STAU2: variants seen among roughly 807,000 people sequenced by gnomAD.
STAU2 encodes the protein double-stranded RNA-binding protein Staufen homolog 2.
Under a neutral mutation model 65.9 loss-of-function variants are expected in STAU2, and 20 were observed. That is an observed-to-expected ratio of 0.30 (90% CI 0.21 to 0.44). STAU2 has a LOEUF of 0.44. Among genes scored for constraint, STAU2 ranks in the 20% least tolerant of loss-of-function variants. The pLI is 1.00. For missense variants in STAU2, 558 were observed against 683.9 expected (o/e 0.82, Z 2.05); for synonymous variants, 232 against 233.9 (o/e 0.99, Z 0.07).
chr8:73,604,600 C>T (rs934547481), intron 9 of STAU2, among the ~76,000 whole-genome samples: 3 of 151,832 alleles, frequency 2.0e-5, no homozygotes, highest in Admixed American at 6.6e-5. Flanking sequence ...CTAAAAAGTA[C>T]TAAGAAAAAG....
At chr8:73,649,379 C>T (rs528299832) in intron 6 of STAU2, among the ~76,000 whole-genome samples, 1 of 152,256 alleles carries the variant, frequency 6.6e-6, no homozygotes, top group African/African-American at 2.4e-5. Flanking sequence ...CACTGCTCCC[C>T]ATTACCCCTT....
At chr8:73,524,879 T>C (rs1439248602) in intron 13 of STAU2, among the ~76,000 whole-genome samples, 1 of 152,208 alleles carries the variant, frequency 6.6e-6, no homozygotes, top group Non-Finnish European at 1.5e-5. Flanking sequence ...CCTTATGAGA[T>C]CAAGTTGATG....
chr8:73,522,784 A>G (rs964299854), intron 13 of STAU2, among the ~76,000 whole-genome samples: 1 of 152,190 alleles, frequency 6.6e-6, no homozygotes, highest in Non-Finnish European at 1.5e-5. Flanking sequence ...AGCCTGAATG[A>G]CTGCCCACTG....
intron 3 of STAU2, among the ~76,000 whole-genome samples, chr8:73,710,376 C>CTTTTTTTT (rs11389924): frequency 7.5e-5 from 10 of 133,664 alleles, no homozygotes; most frequent in Admixed American, 7.5e-5. Context: ...GGCTTCTATC[C>CTTTTTTTT]TTTTTTTTTT....
chr8:73,540,910 A>G, intron 13 of STAU2, among the ~76,000 whole-genome samples: 1 of 152,134 alleles, frequency 6.6e-6, no homozygotes, highest in Admixed American at 6.5e-5. Flanking sequence ...GAAAGAGTTT[A>G]GGGTTGGCAA....
intron 13 of STAU2, among the ~76,000 whole-genome samples, chr8:73,470,945 A>G (rs916817668): frequency 6.6e-6 from 1 of 152,150 alleles, no homozygotes; most frequent in African/African-American, 2.4e-5. Flanking sequence ...AGATTGAGTT[A>G]CTTTTTCAGG....
intron 13 of STAU2, among the ~76,000 whole-genome samples, chr8:73,529,001 G>C (rs898891833): frequency 1.8e-4 from 27 of 152,068 alleles, no homozygotes; most frequent in Non-Finnish European, 7.4e-5. Context: ...ATTTTCCCTG[G>C]AGGTAGGGAA....
intron 13 of STAU2, among the ~76,000 whole-genome samples, chr8:73,509,835 T>G (rs1822287557): frequency 2.6e-5 from 4 of 152,112 alleles, no homozygotes; most frequent in Admixed American, 2.6e-4. Context: ...AAAAAAAAAT[T>G]AAGAATAATA....
At chr8:73,743,395 C>A (rs765173100) in intron 1 of STAU2, among the ~76,000 whole-genome samples, 1 of 151,742 alleles carries the variant, frequency 6.6e-6, no homozygotes, top group Non-Finnish European at 1.5e-5. Flanking sequence ...AGGTTTAGAA[C>A]GGTTCATTCT....
intron 13 of STAU2, among the ~76,000 whole-genome samples, chr8:73,521,630 G>A (rs1439323356): frequency 2.0e-5 from 3 of 152,118 alleles, no homozygotes; most frequent in African/African-American, 7.2e-5. Context: ...TTCCAATTTT[G>A]AACTTCCTGG....
intron 12 of STAU2, among the ~76,000 whole-genome samples, chr8:73,560,282 G>C (rs928391737): frequency 6.6e-6 from 1 of 151,772 alleles, no homozygotes; most frequent in African/African-American, 2.4e-5. Context: ...GGGTTTCACC[G>C]TGTCAGCCAG....
chr8:73,441,350 G>A (rs907103002), intron 13 of STAU2: 1 of 152,092 alleles, frequency 6.6e-6, no homozygotes, highest in Non-Finnish European at 1.5e-5. Context: ...GACCAGCCTG[G>A]TCAACGTGGT....
At chr8:73,572,128 G>T (rs372349399) in intron 12 of STAU2, among the ~76,000 whole-genome samples, 1 of 152,136 alleles carries the variant, frequency 6.6e-6, no homozygotes, top group Non-Finnish European at 1.5e-5. Flanking sequence ...ACACCTCTAC[G>T]CAAATAAACT....
intron 13 of STAU2, among the ~76,000 whole-genome samples, chr8:73,516,086 A>T (rs1822710572): frequency 6.6e-6 from 1 of 151,708 alleles, no homozygotes; most frequent in Non-Finnish European, 1.5e-5. Context: ...GGCACACACC[A>T]CCATGCCCAA....
At chr8:73,603,961 C>CA in intron 9 of STAU2, 98 bp from the exon 10 acceptor site, 2 of 1,269,146 alleles carry the variant, frequency 1.6e-6, no homozygotes, top group South Asian at 1.7e-5. Flanking sequence ...CCCCACACCC[C>CA]AAAACTGTGA....
chr8:73,495,003 G>A (rs979943594), intron 13 of STAU2, among the ~76,000 whole-genome samples: 2 of 151,386 alleles, frequency 1.3e-5, no homozygotes, highest in Admixed American at 6.6e-5. Context: ...CATATTCTCC[G>A]GCTTCTTTTA....
At chr8:73,481,079 G>T (rs1278447344) in intron 13 of STAU2, among the ~76,000 whole-genome samples, 1 of 152,066 alleles carries the variant, frequency 6.6e-6, no homozygotes, top group African/African-American at 2.4e-5. Flanking sequence ...GTACCCACCT[G>T]CCAGGTTAAG....
chr8:73,475,922 T>C (rs1478694747), intron 13 of STAU2, among the ~76,000 whole-genome samples: 1 of 152,240 alleles, frequency 6.6e-6, no homozygotes, highest in Non-Finnish European at 1.5e-5. Context: ...AAACAGATGA[T>C]ATAAAATTGA....
intron 6 of STAU2, among the ~76,000 whole-genome samples, chr8:73,626,868 T>C (rs1813683655): frequency 6.6e-6 from 1 of 152,156 alleles, no homozygotes. Flanking sequence ...ACGCTGAATC[T>C]GGCAGGTGAG....
Sources: allele counts gnomAD v4.1 joint callset (sites outside exome capture counted in the v4.1 genomes callset), GRCh38; gene constraint gnomAD v4.1.1; transcripts MANE v1.5; gene names NCBI Gene and HGNC (gene_info 2026-07-23, HGNC 2026-07-21).